ST3GAL5: variants seen among roughly 807,000 people sequenced by gnomAD.
ST3GAL5 encodes lactosylceramide alpha-2,3-sialyltransferase.
ST3GAL5 carries 25 observed loss-of-function variants against 46.1 expected under a neutral mutation model. The ratio of observed to expected loss-of-function variants is 0.54; its 90% CI spans 0.40 to 0.76. The LOEUF (loss-of-function observed/expected upper bound fraction) is 0.76. Among genes scored for constraint, ST3GAL5 ranks in the 30% least tolerant of loss-of-function variants. The probability of loss-of-function intolerance (pLI) is 0.00; values close to 1 mark genes in which losing one functional copy is unlikely to be tolerated. For synonymous variants in ST3GAL5, 182 were observed against 192.7 expected, an observed-to-expected ratio of 0.94 and a Z score of 0.46; for missense variants, 431 against 521.2, an observed-to-expected ratio of 0.83 and a Z score of 1.69.
intron 1 of ST3GAL5, among the ~76,000 whole-genome samples, chr2:85,873,387 T>A (rs1686168071): frequency 6.6e-6 from 1 of 151,936 alleles, no homozygotes; most frequent in African/African-American, 2.4e-5. Context: ...GTCAAAAAGA[T>A]CATGGATGAT....
chr2:85,867,821 C>T (rs959373257), intron 1 of ST3GAL5: 2 of 636,286 alleles, frequency 3.1e-6, no homozygotes, highest in African/African-American at 1.8e-5. Flanking sequence ...GCAAGATTTA[C>T]AGTAAGTATA....
At chr2:85,848,230 G>A in intron 3 of ST3GAL5, 26 bp from the exon 4 acceptor site, 2 of 1,613,788 alleles carry the variant, frequency 1.2e-6, no homozygotes, top group Non-Finnish European at 1.7e-6. Context: ...ACCAATCTGG[G>A]TTTTAAAAAC....
chr2:85,866,599 T>C (rs189330685), intron 1 of ST3GAL5, among the ~76,000 whole-genome samples: 104 of 152,366 alleles, frequency 6.8e-4, no homozygotes, highest in African/African-American at 2.4e-3. Context: ...CAATCTGGAA[T>C]CCCACCCAAT....
intron 1 of ST3GAL5, among the ~76,000 whole-genome samples, chr2:85,886,648 G>A (rs1411262449): frequency 6.6e-6 from 1 of 152,070 alleles, no homozygotes; most frequent in African/African-American, 2.4e-5. Flanking sequence ...GCTCCCTTAC[G>A]CATTTCACTT....
At chr2:85,870,381 G>A in intron 1 of ST3GAL5, 1 of 403,390 alleles carries the variant, frequency 2.5e-6, no homozygotes, top group Non-Finnish European at 5.2e-6. Flanking sequence ...TTTGTTGGCA[G>A]GCCATCACAA....
chr2:85,859,408 G>A (rs1014903555), intron 3 of ST3GAL5, among the ~76,000 whole-genome samples: 10 of 152,154 alleles, frequency 6.6e-5, no homozygotes, highest in East Asian at 3.8e-4. Context: ...GCTGTGAAGC[G>A]CCGTGGAATT....
chr2:85,868,540 G>A (rs1049405468), intron 1 of ST3GAL5, among the ~76,000 whole-genome samples: 2 of 150,382 alleles, frequency 1.3e-5, no homozygotes, highest in Non-Finnish European at 3.0e-5. Flanking sequence ...CTAACTCCTG[G>A]GCTCAAGCCA....
chr2:85,868,998 G>A (rs182145016), intron 1 of ST3GAL5, among the ~76,000 whole-genome samples: 6 of 152,304 alleles, frequency 3.9e-5, no homozygotes, highest in Non-Finnish European at 8.8e-5. Flanking sequence ...AATTATAGGC[G>A]TAGAGGCATC....
chr2:85,888,967 C>T lies in ST3GAL5; in HGVS notation c.-62G>A. ...ACCCCGCGCCCCCACCCGCCCCCAG[C>T]GCCGCTCTCGCGCCCATTCAGCTGG... On this transcript the variant is annotated 5_prime_UTR_variant, in exon 1 of 7. Transcript: ENST00000638572. 2.5e-6 allele frequency: 3 copies of T among 1,207,412 alleles called. No homozygotes were observed. The highest frequency in any genetic ancestry group is 2.1e-6 in the Non-Finnish European group (2 of 961,254). 74.8% of individuals were successfully genotyped at this position (1,207,412 alleles called of 1,614,324 possible).
chr2:85,888,996 C>T (rs879798501), upstream of ST3GAL5: 2,276 of 989,866 alleles, frequency 2.3e-3, 5 homozygotes, highest in Non-Finnish European at 2.7e-3. Context: ...CAGCTGGGGG[C>T]CGCCGCTCCC....
At chr2:85,872,677 G>A (rs1686079665) in intron 1 of ST3GAL5, among the ~76,000 whole-genome samples, 1 of 151,904 alleles carries the variant, frequency 6.6e-6, no homozygotes, top group Non-Finnish European at 1.5e-5. Flanking sequence ...TAGGCCCCAA[G>A]CCACCCACTG....
rs1353812479 is a variant in ST3GAL5, at chr2:85,886,158, A to G, written c.82+2666T>C. ...GGCATACACTAGCCAGCCAGGCGCA[A>G]TTGCTCACGCCTGTAATCTCAGCGC... On this transcript the variant is annotated intron_variant, in intron 1 of 6. Coordinates refer to ENST00000638572, the MANE Select transcript of ST3GAL5 (RefSeq NM_003896.4). Among the ~76,000 whole-genome samples, 3 of 152,146 alleles carry G rather than the reference A, an allele frequency of 2.0e-5. No individual in the cohort carries two copies. In the East Asian group the frequency reaches 5.8e-4, roughly 30 times the overall value.
chr2:85,879,654 A>G (rs1413637281), intron 1 of ST3GAL5, among the ~76,000 whole-genome samples: 1 of 152,238 alleles, frequency 6.6e-6, no homozygotes, highest in Non-Finnish European at 1.5e-5. Context: ...CAAAATCTAG[A>G]AGCTAAATGT....
intron 4 of ST3GAL5, chr2:85,846,785 A>G: frequency 1.8e-6 from 1 of 544,922 alleles, no homozygotes. Context: ...CTGAATGTCA[A>G]GCAATTTCAT....
At chr2:85,858,275 C>A (rs1010522436) in intron 3 of ST3GAL5, 3 of 152,192 alleles carry the variant, frequency 2.0e-5, no homozygotes, top group Non-Finnish European at 4.4e-5. Flanking sequence ...GGCCCCTGAG[C>A]CCCTCCCTGT....
intron 3 of ST3GAL5, among the ~76,000 whole-genome samples, chr2:85,852,642 G>A (rs975850269): frequency 3.9e-5 from 6 of 152,120 alleles, no homozygotes; most frequent in East Asian, 1.9e-4. Flanking sequence ...GTGCTAAAGC[G>A]GGATTGTGGT....
At chr2:85,843,149 T>C (rs1682355246) in intron 6 of ST3GAL5, among the ~76,000 whole-genome samples, 1 of 152,230 alleles carries the variant, frequency 6.6e-6, no homozygotes, top group African/African-American at 2.4e-5. Context: ...GCATTGACTT[T>C]ATCATAATTT....
chr2:85,868,256 T>C (rs1172359616), intron 1 of ST3GAL5, among the ~76,000 whole-genome samples: 1 of 152,274 alleles, frequency 6.6e-6, no homozygotes, highest in Non-Finnish European at 1.5e-5. Context: ...GGGCATGCTT[T>C]GTTAATTGCT....
rs896780062 is a variant in ST3GAL5, at chr2:85,888,809, G to A, written c.82+15C>T. 4.1e-6 allele frequency: 5 copies of A among 1,231,990 alleles called. No individual in the cohort carries two copies. The highest frequency in any genetic ancestry group is 5.1e-6 in the Non-Finnish European group (5 of 989,288). 76.3% of individuals were successfully genotyped at this position (1,231,990 alleles called of 1,614,324 possible). ...CGGGCCCCCGCGACGCCGAGGAGGG[G>A]GCTGCGCCACGTACCTCGGCCGGCA... is the stretch of plus-strand genomic sequence containing the variant. On this transcript the variant is annotated intron_variant, in intron 1 of 6. Coordinates refer to ENST00000638572, the MANE Select transcript of ST3GAL5 (RefSeq NM_003896.4).
Sources: gnomAD v4.1 joint callset for allele counts (sites outside exome capture counted in the v4.1 genomes callset) on GRCh38, gnomAD v4.1.1 for gene constraint, MANE v1.5 for transcripts, NCBI Gene and HGNC (gene_info 2026-07-23, HGNC 2026-07-21) for gene names.